XPO1: variants seen among roughly 807,000 people sequenced by gnomAD.
The protein encoded by XPO1 is exportin 1, also known as exportin-1.
In XPO1, 5 loss-of-function variants were observed where a neutral mutation model predicts 133.3. The ratio of observed to expected loss-of-function variants is 0.04; its 90% CI spans 0.02 to 0.08. The LOEUF is 0.08. Among genes scored for constraint, XPO1 ranks in the 10% least tolerant of loss-of-function variants. XPO1 has a pLI of 1.00. For synonymous variants in XPO1, 419 were observed against 408.2 expected (o/e 1.03, Z -0.32); for missense variants, 506 against 1,267.5 (o/e 0.40, Z 9.12).
chr2:61,497,033 T>C, intron 9 of XPO1, 26 bp from the exon 10 acceptor site: 2 of 1,590,956 alleles, frequency 1.3e-6, no homozygotes, highest in Non-Finnish European at 1.7e-6. Flanking sequence ...GAGGGAACCA[T>C]AAAATTAATT....
intron 3 of XPO1, chr2:61,525,856 T>C: frequency 9.6e-7 from 1 of 1,044,970 alleles, no homozygotes; most frequent in Non-Finnish European, 1.2e-6. Flanking sequence ...TAGTATTTAT[T>C]ACTTTAAGGC....
In XPO1 at chr2:61,489,909, T is replaced by TG. The variant is rs1317970002; in HGVS notation, c.2022+732dup. ...AAATTACAGTATTTTTTTTTTTTTT[T>TG]GAGACAGAGTCTTCCTCTGTCACCA... On this transcript the variant is annotated intron_variant, in intron 17 of 24. Coordinates refer to ENST00000401558, the MANE Select transcript of XPO1 (RefSeq NM_003400.4). 9.8e-3 allele frequency among the ~76,000 whole-genome samples: 1,465 copies of TG among 149,334 alleles called. 23 individuals carry two copies. Among genetic ancestry groups the TG allele is most frequent in the African/African-American group, 0.035 (1,397 of 40,392 alleles).
Position 61,488,736 on chromosome 2 carries a change from C to T in XPO1, c.2058G>A (p.Lys686=), listed in dbSNP as rs766965696. The change falls in exon 18 of 25, where the codon AAG becomes AAA. Residue 686 remains lysine (K), a synonymous_variant. Coordinates refer to ENST00000401558, the MANE Select transcript of XPO1 (RefSeq NM_003400.4). ...VDILKDPETV[K]QLGSILKTNV... Reference sequence around the variant, plus strand: ...TTGTTTTCAAAATGCTACCAAGCTGCTTGACTGTTTCAGGATCTTTCAGTA... The same window carrying T: ...TTGTTTTCAAAATGCTACCAAGCTGTTTGACTGTTTCAGGATCTTTCAGTA... The T allele has an allele frequency of 3.3e-5, 53 of 1,614,088 alleles. No individual in the cohort carries two copies. The South Asian group carries it at 5.8e-4, about 18-fold the overall frequency.
intron 2 of XPO1, among the ~76,000 whole-genome samples, chr2:61,533,195 A>G (rs1424020196): frequency 6.6e-6 from 1 of 152,194 alleles, no homozygotes; most frequent in Admixed American, 6.5e-5. Flanking sequence ...GTTTGGCCCC[A>G]CAGGTAAAAA....
chr2:61,522,813 T>A, intron 3 of XPO1, 130 bp from the exon 4 acceptor site: 1 of 667,912 alleles, frequency 1.5e-6, no homozygotes, highest in Non-Finnish European at 2.6e-6. Context: ...CCAAGTTTAA[T>A]TACACATATT....
intron 24 of XPO1, chr2:61,480,251 TATC>T (rs1017809276): frequency 1.3e-5 from 2 of 151,726 alleles, no homozygotes; most frequent in African/African-American, 4.8e-5. Context: ...TTAGTTATAT[TATC>T]ATTGACTTCG....
At chr2:61,529,040 T>C (rs1436829782) in intron 2 of XPO1, among the ~76,000 whole-genome samples, 3 of 151,784 alleles carry the variant, frequency 2.0e-5, no homozygotes, top group African/African-American at 7.3e-5. Flanking sequence ...AAATTAATAA[T>C]GAGCCAGGTG....
In XPO1 at chr2:61,492,551, C is replaced by G; in HGVS notation, c.1566+16G>C. 1 of 1,604,646 alleles carries G rather than the reference C, an allele frequency of 6.2e-7. No homozygotes were observed. The highest frequency in any genetic ancestry group is 8.5e-7 in the Non-Finnish European group (1 of 1,177,010). On this transcript the variant is annotated intron_variant, in intron 14 of 24. Transcript: ENST00000401558. The surrounding 1 kb of genome is among the most constrained non-coding windows in gnomAD (Gnocchi z 5.6). Reference sequence around the variant, plus strand: ...ACTTATTTAGCAATTCTAATTCATACCTATCCCTTGCATACCTTTATAACA... The same window carrying G: ...ACTTATTTAGCAATTCTAATTCATAGCTATCCCTTGCATACCTTTATAACA...
intron 16 of XPO1, 132 bp downstream of exon 16, chr2:61,491,903 G>A (rs889393256): frequency 4.2e-6 from 5 of 1,188,976 alleles, no homozygotes; most frequent in Admixed American, 5.5e-5. Flanking sequence ...CTGTCTCAAG[G>A]AAAAAAGAAA....
intron 4 of XPO1, among the ~76,000 whole-genome samples, chr2:61,505,381 C>G (rs1459335946): frequency 7.7e-6 from 1 of 130,288 alleles, no homozygotes; most frequent in Non-Finnish European, 1.6e-5. Context: ...GTAATCTATG[C>G]AACATTCTCA....
At chr2:61,513,015 C>G (rs1480669862) in intron 4 of XPO1, among the ~76,000 whole-genome samples, 1 of 151,986 alleles carries the variant, frequency 6.6e-6, no homozygotes, top group Non-Finnish European at 1.5e-5. Flanking sequence ...ATATATAAAC[C>G]TTGACCCTTA....
intron 4 of XPO1, among the ~76,000 whole-genome samples, chr2:61,511,689 G>A (rs1573180704): frequency 6.6e-6 from 1 of 152,108 alleles, no homozygotes; most frequent in East Asian, 1.9e-4. Context: ...CTCAATCACT[G>A]TGCCTGGCCT....
chr2:61,481,365 G>A, intron 23 of XPO1, 84 bp from the exon 24 acceptor site: 1 of 992,704 alleles, frequency 1.0e-6, no homozygotes, highest in African/African-American at 1.7e-5. Context: ...CTGGAGTACA[G>A]TGGCATGATC....
chr2:61,514,180 C>G (rs1338264428), intron 4 of XPO1, among the ~76,000 whole-genome samples: 2 of 150,770 alleles, frequency 1.3e-5, no homozygotes, highest in African/African-American at 4.9e-5. Flanking sequence ...GAGCCAGGCT[C>G]CGTCTCAAAA....
At chr2:61,509,780 T>A (rs1350445493) in intron 4 of XPO1, among the ~76,000 whole-genome samples, 1 of 152,184 alleles carries the variant, frequency 6.6e-6, no homozygotes, top group Non-Finnish European at 1.5e-5. Context: ...GCAGTCAACC[T>A]GCACCACAGA....
At chr2:61,502,404 A>G in intron 4 of XPO1, 94 bp from the exon 5 acceptor site, 5 of 1,221,942 alleles carry the variant, frequency 4.1e-6, no homozygotes, top group Non-Finnish European at 5.8e-6. Flanking sequence ...GAATGGAAAG[A>G]CTAAGTAAAA....
At chr2:61,520,908 TA>T (rs1698659886) in intron 4 of XPO1, among the ~76,000 whole-genome samples, 1 of 152,160 alleles carries the variant, frequency 6.6e-6, no homozygotes, top group Non-Finnish European at 1.5e-5. Context: ...CTGGGGCTCA[TA>T]ACACATGAGT....
rs55737388 is a variant in XPO1 at position 61,507,243 on chromosome 2, C to CAAAAAA, written c.302-4939_302-4934dup. 1.7e-4 allele frequency among the ~76,000 whole-genome samples: 11 copies of CAAAAAA among 65,496 alleles called. 1 individual carries two copies. The highest frequency in any genetic ancestry group is 3.9e-4 in the African/African-American group (6 of 15,474). 43.0% of individuals were successfully genotyped at this position (65,496 alleles called of 152,430 possible). On this transcript the variant is annotated intron_variant, in intron 4 of 24. Transcript: ENST00000401558. ...TGGGTGACAGCGGGAGACTCCATCT[C>CAAAAAA]AAAAAAAAAAAAAAAAGAGTGAAGA...
chr2:61,521,900 C>A (rs1239112662), intron 4 of XPO1, among the ~76,000 whole-genome samples: 1 of 151,678 alleles, frequency 6.6e-6, no homozygotes, highest in Non-Finnish European at 1.5e-5. Context: ...TCCCCGCCGC[C>A]ACCTGCACCA....
Sources: gnomAD v4.1 joint callset for allele counts (sites outside exome capture counted in the v4.1 genomes callset) on GRCh38, gnomAD v4.1.1 for gene constraint, Gnocchi (gnomAD v3.1) non-coding constraint, MANE v1.5 for transcripts, NCBI Gene and HGNC (gene_info 2026-07-23, HGNC 2026-07-21) for gene names.